The following L3MBTL2 variants were observed in gnomAD, a reference collection of about 807,000 sequenced individuals.
L3MBTL2 encodes the protein lethal(3)malignant brain tumor-like protein 2.
Under a neutral mutation model 86.4 loss-of-function variants are expected in L3MBTL2, and 49 were observed. That is an observed-to-expected ratio of 0.57 (90% CI 0.45 to 0.72). L3MBTL2 has a LOEUF of 0.72. L3MBTL2 is among the 30% of genes least tolerant of loss of function. The pLI, the probability that L3MBTL2 is intolerant of heterozygous loss-of-function variation, is 0.00. For synonymous variants in L3MBTL2, 336 were observed against 350.6 expected, an observed-to-expected ratio of 0.96 and a Z score of 0.47; for missense variants, 755 against 923.7, an observed-to-expected ratio of 0.82 and a Z score of 2.37.
chr22:41,228,423 G>A (rs1393316109), intron 15 of L3MBTL2: 2 of 985,348 alleles, frequency 2.0e-6, no homozygotes, highest in Non-Finnish European at 2.4e-6. Context: ...TCCACTTGAG[G>A]GGCAGAGCGG....
At position 41,205,340 on chromosome 22, in the gene L3MBTL2, A is replaced by C. The variant is rs764231917; in HGVS notation, c.-23A>C. On this transcript the variant is annotated 5_prime_UTR_variant, in exon 1 of 17. The change abolishes the stop of an existing upstream ORF in the 5' untranslated region. Transcript: ENST00000216237. ...CCAATATGGCTTCCTGCACCTGGTG[A>C]CGCTTGGCGAAACTGAGGTCTCATG... 10 of 1,614,070 alleles carry C rather than the reference A, an allele frequency of 6.2e-6. No homozygotes were observed. The highest frequency in any genetic ancestry group is 8.5e-6 in the Non-Finnish European group (10 of 1,180,000).
At chr22:41,211,723 A>AT (rs1368154352) in intron 2 of L3MBTL2, among the ~76,000 whole-genome samples, 3 of 114,810 alleles carry the variant, frequency 2.6e-5, no homozygotes, top group African/African-American at 3.9e-5. Flanking sequence ...CACCCGGCTA[A>AT]TTTTTTTTGT....
At chr22:41,226,106 G>T (rs1040968626) in intron 12 of L3MBTL2, among the ~76,000 whole-genome samples, 165 bp downstream of exon 12, 2 of 152,120 alleles carry the variant, frequency 1.3e-5, no homozygotes, top group African/African-American at 2.4e-5. Context: ...ACAAAACCTC[G>T]TCTCTACTAA....
At chr22:41,226,628 T>C in intron 12 of L3MBTL2, 34 bp from the exon 13 acceptor site, 2 of 1,486,196 alleles carry the variant, frequency 1.3e-6, no homozygotes, top group Admixed American at 1.7e-5. Flanking sequence ...TGCTTCCCCC[T>C]CTCCCTCTGC....
At chr22:41,215,982 A>G (rs946201035) in intron 3 of L3MBTL2, among the ~76,000 whole-genome samples, 157 bp from the exon 4 acceptor site, 3 of 151,496 alleles carry the variant, frequency 2.0e-5, no homozygotes, top group Non-Finnish European at 2.9e-5. Context: ...CCCTGAGCTC[A>G]GGATTGTTAT....
rs138686266 is a variant in L3MBTL2, at chr22:41,223,929, C to T, written c.943-91C>T. 8.1e-4 allele frequency: 830 copies of T among 1,021,336 alleles called. 2 individuals are homozygous for T. In the African/African-American group the frequency reaches 0.011, roughly 13 times the overall value. The allele number at this position is 1,021,336 out of a possible 1,614,324, so 63.3% of individuals were successfully genotyped here. On this transcript the variant is annotated intron_variant, in intron 8 of 16. Transcript: ENST00000216237. ...ACTGACTGAGTGTGGGGGATAACAC[C>T]ACACCTTCCCTGTCCTCCACTCACC...
In L3MBTL2 at chr22:41,220,755, A is replaced by T. The variant is rs779568000; in HGVS notation, c.740A>T (p.Tyr247Phe). 1 of 1,613,118 alleles carries T rather than the reference A, an allele frequency of 6.2e-7. No homozygotes were observed. Among genetic ancestry groups the T allele is most frequent in the Non-Finnish European group, 8.5e-7 (1 of 1,179,810 alleles). The stretch of plus-strand genomic sequence containing the variant: ...TCAGGGTATCGGGTGCTGCTTCGGT[A>T]TGAAGGCTTTGAAAATGACGCCAGC... ...QTAGYRVLLR[Y>F]EGFENDASHD... Residue 247 changes from tyrosine (Y) to phenylalanine (F), a missense_variant, in exon 7 of 17, where the codon TAT becomes TTT. By Grantham distance (22) the Tyr-to-Phe change is conservative. Coordinates refer to ENST00000216237, the MANE Select transcript of L3MBTL2 (RefSeq NM_031488.5).
intron 16 of L3MBTL2, 194 bp downstream of exon 16, chr22:41,229,850 C>G: frequency 1.1e-6 from 1 of 936,842 alleles, no homozygotes; most frequent in Non-Finnish European, 1.7e-6. Context: ...AGCTGAGTCC[C>G]CCTCTAGCCC....
In L3MBTL2 at chr22:41,230,290, G is replaced by A. The variant is rs768678438; in HGVS notation, c.*39G>A. On this transcript the variant is annotated 3_prime_UTR_variant, in exon 17 of 17. Transcript: ENST00000216237. ...CAGCCTGGCTTCTAGCTGGAAGCCA[G>A]CCCAGCGTTTCTCTACCACCACCAC... is the stretch of plus-strand genomic sequence containing the variant. 1 of 1,502,484 alleles carries A rather than the reference G, an allele frequency of 6.7e-7. No individual in the cohort carries two copies. The highest frequency in any genetic ancestry group is 1.7e-5 in the Admixed American group (1 of 59,382). 93.1% of individuals were successfully genotyped at this position (1,502,484 alleles called of 1,614,324 possible).
Position 41,230,771 on chromosome 22 carries a change from C to T in L3MBTL2, c.*520C>T, listed in dbSNP as rs908496904. 5 of 154,060 alleles carry T rather than the reference C, an allele frequency of 3.2e-5. No individual in the cohort carries two copies. The highest frequency in any genetic ancestry group is 9.6e-5 in the African/African-American group (4 of 41,558). 9.5% of individuals were successfully genotyped at this position (154,060 alleles called of 1,614,324 possible). A position where few individuals can be genotyped will look rare whatever the true frequency, so the allele number is the denominator to read the frequency against. On this transcript the variant is annotated 3_prime_UTR_variant, in exon 17 of 17. Coordinates refer to ENST00000216237, the MANE Select transcript of L3MBTL2 (RefSeq NM_031488.5). ...AAAATTCACCAAGCAGAATGCCTCT[C>T]AGCCTCATGTGTTGGTCCTCTGCTC...
At chr22:41,229,487 G>A in intron 15 of L3MBTL2, 53 bp from the exon 16 acceptor site, 2 of 1,579,346 alleles carry the variant, frequency 1.3e-6, no homozygotes, top group African/African-American at 2.7e-5. Context: ...ATCCCATAAA[G>A]CCTTACCTAA....
intron 8 of L3MBTL2, among the ~76,000 whole-genome samples, chr22:41,223,415 G>T (rs2031969328): frequency 6.6e-6 from 1 of 152,326 alleles, no homozygotes; most frequent in South Asian, 2.1e-4. Flanking sequence ...CAGCTCGAGG[G>T]CATCTTGGTC....
chr22:41,221,253 G>T lies in L3MBTL2; in HGVS notation c.908G>T (p.Gly303Val). The T allele has an allele frequency of 6.4e-7, 1 of 1,551,582 alleles. No individual in the cohort carries two copies. Among genetic ancestry groups the T allele is most frequent in the Non-Finnish European group, 8.7e-7 (1 of 1,146,862 alleles). Residue 303 changes from glycine to valine, a missense_variant, in exon 8 of 17, where the codon GGC (glycine) becomes GTC (valine). Physicochemically the swap from Gly to Val is moderately radical, Grantham distance 109. Coordinates refer to ENST00000216237, the MANE Select transcript of L3MBTL2 (RefSeq NM_031488.5). Reference sequence around the variant, plus strand: ...GGCTACCTCATGAAACGGCTGGTGGGCTCCAGGACGCTTCCCGTGGATTTC... The same window carrying T: ...GGCTACCTCATGAAACGGCTGGTGGTCTCCAGGACGCTTCCCGTGGATTTC... Reference protein sequence around the residue: ...WKGYLMKRLVGSRTLPVDFHI... With the variant: ...WKGYLMKRLVVSRTLPVDFHI...
chr22:41,227,265 C>T lies in L3MBTL2; in HGVS notation c.1764C>T (p.Ile588=), dbSNP rs965622906. ...GGGTGGACTGCGAGTCCCCAGACAT[C>T]TACCCCGTCGGCTGGTGTGAGCTCA... ...DQWVDCESPD[I]YPVGWCELTG... is the part of the protein sequence containing the mutation. The change falls in exon 14 of 17, where the codon ATC becomes ATT. Residue 588 remains isoleucine (I), a synonymous_variant. Transcript: ENST00000216237. The surrounding 1 kb of genome is among the most constrained non-coding windows in gnomAD (Gnocchi z 6.0). 137 of 1,612,606 alleles carry T rather than the reference C, an allele frequency of 8.5e-5. No homozygotes were observed. The highest frequency in any genetic ancestry group is 1.6e-4 in the Middle Eastern group (1 of 6,082).
intron 1 of L3MBTL2, 33 bp from the exon 2 acceptor site, chr22:41,209,663 T>A: frequency 1.3e-6 from 2 of 1,596,154 alleles, no homozygotes; most frequent in Non-Finnish European, 1.7e-6. Context: ...CAATCATAAT[T>A]CTTTCTACCT....
rs916507590 is a variant in L3MBTL2 at position 41,217,162 on chromosome 22, A to G, written c.560A>G (p.Asp187Gly). ...LGFDWGKFLK[D>G]HSYKAAPVSC... ...TTCGACTGGGGGAAGTTCCTGAAGG[A>G]TCACAGTTACAAGGCTGCTCCCGTC... Residue 187 changes from aspartate to glycine, a missense_variant, in exon 5 of 17, where the codon GAT becomes GGT. Physicochemically the swap from Asp to Gly is moderately conservative, Grantham distance 94. This residue lies in a region of L3MBTL2 where 634 missense variants were observed against 748.9 expected (regional missense o/e 0.85). Coordinates refer to ENST00000216237, the MANE Select transcript of L3MBTL2 (RefSeq NM_031488.5). 6.2e-7 allele frequency: 1 copy of G among 1,613,902 alleles called. No individual in the cohort carries two copies.
chr22:41,221,473 G>T, intron 8 of L3MBTL2, 186 bp downstream of exon 8: 1 of 602,170 alleles, frequency 1.7e-6, no homozygotes, highest in Non-Finnish European at 3.0e-6. Flanking sequence ...CTAGCCTGGC[G>T]TCGGCCACTG....
Position 41,227,968 on chromosome 22 carries a change from C to T in L3MBTL2, c.1888+99C>T. ...GGGGTCAGCCCCCAGGCACTGGTTC[C>T]CAGGTGCTGTCCTACTGACGTAGCT... On this transcript the variant is annotated intron_variant, in intron 15 of 16. Coordinates refer to ENST00000216237, the MANE Select transcript of L3MBTL2 (RefSeq NM_031488.5). This position sits in a 1 kb window ranked among gnomAD's most constrained non-coding sequence, Gnocchi z 6.0. 3.9e-6 allele frequency: 6 copies of T among 1,524,802 alleles called. No homozygotes were observed. Among genetic ancestry groups the T allele is most frequent in the Non-Finnish European group, 4.4e-6 (5 of 1,135,394 alleles). The allele number at this position is 1,524,802 out of a possible 1,614,324, so 94.5% of individuals were successfully genotyped here.
intron 5 of L3MBTL2, chr22:41,217,939 CCT>C (rs1231694244): frequency 6.6e-6 from 1 of 152,250 alleles, no homozygotes. Flanking sequence ...CTAACTCACT[CCT>C]CTCGTCTCTG....
Sources: gnomAD v4.1 joint callset for allele counts (sites outside exome capture counted in the v4.1 genomes callset) on GRCh38, gnomAD v4.1.1 for gene constraint, gnomAD v4.1.1 regional missense constraint, Gnocchi (gnomAD v3.1) non-coding constraint, MANE v1.5 for transcripts, NCBI Gene and HGNC (gene_info 2026-07-23, HGNC 2026-07-21) for gene names.